Variants in RPLP2 observed in about 807,000 individuals in gnomAD.
The protein encoded by RPLP2 is ribosomal protein lateral stalk subunit P2.
Under a neutral mutation model 11.5 loss-of-function variants are expected in RPLP2, and 1 was observed. That is an observed-to-expected ratio of 0.09 (90% CI 0.03 to 0.41). RPLP2 has a LOEUF of 0.41. Among genes scored for constraint, RPLP2 ranks in the 10% least tolerant of loss-of-function variants. The probability of loss-of-function intolerance (pLI) is 0.98; values close to 1 mark genes in which losing one functional copy is unlikely to be tolerated. For missense variants in RPLP2, 177 were observed against 145.6 expected, an observed-to-expected ratio of 1.22 and a Z score of -1.11; for synonymous variants, 82 against 55.9, an observed-to-expected ratio of 1.47 and a Z score of -2.08.
At chr11:810,423 CCT>C in intron 2 of RPLP2, 66 bp downstream of exon 2, 1 of 1,469,644 alleles carries the variant, frequency 6.8e-7, no homozygotes, top group Middle Eastern at 1.8e-4. Flanking sequence ...GATTCTTCTG[CCT>C]GATCCGGCCA....
chr11:811,692 A>G lies in RPLP2; in HGVS notation c.172+47A>G, dbSNP rs777084855. ...TTCGTTTGTTTTCATGGTCCATCCT[A>G]ATCCCTGCCGGTCCATCTGTGGCCT... On this transcript the variant is annotated intron_variant, in intron 3 of 4. Coordinates refer to ENST00000321153, the MANE Select transcript of RPLP2 (RefSeq NM_001004.4). The G allele has an allele frequency of 5.0e-6, 8 of 1,612,344 alleles. No individual in the cohort carries two copies. In the African/African-American group the frequency reaches 6.7e-5, roughly 13 times the overall value.
chr11:811,284 C>G (rs1866047112), intron 2 of RPLP2: 2 of 420,060 alleles, frequency 4.8e-6, no homozygotes, highest in South Asian at 4.6e-5. Context: ...TACCACTGCA[C>G]TCCAGCCTGA....
At chr11:812,391 T>C (rs1866090586) in intron 3 of RPLP2, 144 bp from the exon 4 acceptor site, 1 of 1,066,038 alleles carries the variant, frequency 9.4e-7, no homozygotes, top group Admixed American at 2.1e-5. Flanking sequence ...GGAGGGAGTG[T>C]TCAGGAAGAA....
intron 2 of RPLP2, chr11:811,228 T>C: frequency 3.2e-6 from 1 of 313,622 alleles, no homozygotes; most frequent in Middle Eastern, 1.1e-3. Context: ...CAGACTGAGG[T>C]GGGATAGTCA....
Position 812,488 on chromosome 11 carries a change from T to A in RPLP2, c.173-47T>A, listed in dbSNP as rs776638397. 3 of 1,600,812 alleles carry A rather than the reference T, an allele frequency of 1.9e-6. No homozygotes were observed. In the East Asian group the frequency reaches 6.7e-5, roughly 36 times the overall value. On this transcript the variant is annotated intron_variant, in intron 3 of 4. Coordinates refer to ENST00000321153, the MANE Select transcript of RPLP2 (RefSeq NM_001004.4). ...CATCTAACTTCCCTGTGGAACAGCC[T>A]CCCAGGCTGGGCAGCTGCTCTGGTC... is the stretch of plus-strand genomic sequence containing the variant.
At chr11:811,339 G>GATAC in intron 2 of RPLP2, 1 of 547,416 alleles carries the variant, frequency 1.8e-6, no homozygotes. Context: ...CAGTGTTGAA[G>GATAC]ATACCTATGA....
At chr11:811,980 C>T (rs769126218) in intron 3 of RPLP2, 7 of 504,774 alleles carry the variant, frequency 1.4e-5, no homozygotes, top group South Asian at 5.6e-5. Flanking sequence ...CACATGCTTT[C>T]TGTGAGGGGG....
intron 2 of RPLP2, 117 bp from the exon 3 acceptor site, chr11:811,480 G>C: frequency 5.5e-6 from 7 of 1,266,988 alleles, no homozygotes; most frequent in Non-Finnish European, 7.9e-6. Context: ...TGCAGTTCTG[G>C]AAACTTCAGG....
At chr11:810,396 C>T (rs779844757) in intron 2 of RPLP2, 39 bp downstream of exon 2, 2 of 1,591,366 alleles carry the variant, frequency 1.3e-6, no homozygotes, top group African/African-American at 1.4e-5. Flanking sequence ...CGTGGGGCCC[C>T]AGTGTCCCAT....
At chr11:812,430 G>C in intron 3 of RPLP2, 105 bp from the exon 4 acceptor site, 1 of 1,471,808 alleles carries the variant, frequency 6.8e-7, no homozygotes, top group Non-Finnish European at 9.2e-7. Context: ...GGTGGGTCCA[G>C]ATATGTTGGG....
chr11:810,601 C>T (rs1041333456), intron 2 of RPLP2: 51 of 371,774 alleles, frequency 1.4e-4, no homozygotes, highest in Non-Finnish European at 1.2e-4. Flanking sequence ...CGAGACCAGC[C>T]TGGTAAACAT....
In RPLP2 at chr11:810,315, G is replaced by A; in HGVS notation, c.81G>A (p.Leu27=). 1.2e-6 allele frequency: 2 copies of A among 1,609,272 alleles called. No individual in the cohort carries two copies. Among genetic ancestry groups the A allele is most frequent in the South Asian group, 1.1e-5 (1 of 90,446 alleles). Reference sequence around the variant, plus strand: ...GCGCCAAGGACATCAAGAAGATCTTGGACAGCGTGGGTATCGAGGCGGACG... The same window carrying A: ...GCGCCAAGGACATCAAGAAGATCTTAGACAGCGTGGGTATCGAGGCGGACG... ...SPSAKDIKKI[L]DSVGIEADDD... is the part of the protein sequence containing the mutation. The change falls in exon 2 of 5, where the codon TTG becomes TTA. Residue 27 remains leucine, a synonymous_variant. Transcript: ENST00000321153.
At chr11:811,080 TGCGGGAGAATCATTTGAGCCTTA>T (rs990230983) in intron 2 of RPLP2, among the ~76,000 whole-genome samples, 1 of 151,342 alleles carries the variant, frequency 6.6e-6, no homozygotes, top group Non-Finnish European at 1.5e-5. Flanking sequence ...ATGAGGCTGA[TGCGGGAGAATCATTTGAGCCTTA>T]GAGGTCAAGG....
intron 2 of RPLP2, 60 bp downstream of exon 2, chr11:810,417 C>G (rs1168444864): frequency 6.6e-6 from 10 of 1,510,894 alleles, no homozygotes. Context: ...ACAGGCGATT[C>G]TTCTGCCTGA....
rs1049319474 is a variant in RPLP2 at position 809,996 on chromosome 11, C to G, written c.-45C>G. ...TTCCTCCCTGTCGCCACCGAGGTCG[C>G]ACGCGTGAGACTTCTCCGCCGCCTC... On this transcript the variant is annotated 5_prime_UTR_variant, in exon 1 of 5. Transcript: ENST00000321153. 1 of 429,402 alleles carries G rather than the reference C, an allele frequency of 2.3e-6. No homozygotes were observed. The highest frequency in any genetic ancestry group is 3.9e-6 in the Non-Finnish European group (1 of 253,200). 26.6% of individuals were successfully genotyped at this position (429,402 alleles called of 1,614,324 possible). A position where few individuals can be genotyped will look rare whatever the true frequency, so the allele number is the denominator to read the frequency against.
rs896226891 is a variant in RPLP2 at position 810,019 on chromosome 11, C to T, written c.-22C>T. On this transcript the variant is annotated 5_prime_UTR_variant, in exon 1 of 5. Transcript: ENST00000321153. ...CGCACGCGTGAGACTTCTCCGCCGC[C>T]TCCGCCGCAGACGCCGCCGCGTGAG... The T allele has an allele frequency of 5.0e-6, 2 of 401,308 alleles. No individual in the cohort carries two copies. The highest frequency in any genetic ancestry group is 1.3e-4 in the Admixed American group (2 of 15,354). 24.9% of individuals were successfully genotyped at this position (401,308 alleles called of 1,614,324 possible).
chr11:810,335 C>T lies in RPLP2; in HGVS notation c.101C>T (p.Ala34Val), dbSNP rs771091638. 3.7e-6 allele frequency: 6 copies of T among 1,607,786 alleles called. No individual in the cohort carries two copies. The highest frequency in any genetic ancestry group is 3.3e-4 in the Middle Eastern group (2 of 6,014). ...ATCTTGGACAGCGTGGGTATCGAGG[C>T]GGACGACGACCGGCTCAACAAGGTA... is the stretch of plus-strand genomic sequence containing the variant. ...KKILDSVGIEADDDRLNKVIS... is the reference protein window; with the variant it reads ...KKILDSVGIEVDDDRLNKVIS... The change falls in exon 2 of 5, where the codon GCG becomes GTG. Residue 34 changes from alanine to valine, a missense_variant. Transcript: ENST00000321153.
chr11:812,653 G>A lies in RPLP2; in HGVS notation c.271+20G>A, dbSNP rs1398407083. The A allele has an allele frequency of 1.2e-6, 2 of 1,611,134 alleles. No homozygotes were observed. The highest frequency in any genetic ancestry group is 2.7e-5 in the African/African-American group (2 of 74,906). Reference sequence around the variant, plus strand: ...CTGCAGGTAAGTGGTGGCCTGGTGAGTGGGCAAGGGGCTGGGGCTCAGACG... The same window carrying A: ...CTGCAGGTAAGTGGTGGCCTGGTGAATGGGCAAGGGGCTGGGGCTCAGACG... On this transcript the variant is annotated intron_variant, in intron 4 of 4. Coordinates refer to ENST00000321153, the MANE Select transcript of RPLP2 (RefSeq NM_001004.4).
At chr11:812,025 A>G (rs968030508) in intron 3 of RPLP2, 3 of 422,664 alleles carry the variant, frequency 7.1e-6, no homozygotes, top group Admixed American at 7.1e-5. Context: ...AGGGATGTCC[A>G]TAGGCTCCTT....
Sources: gnomAD v4.1 joint callset for allele counts (sites outside exome capture counted in the v4.1 genomes callset) on GRCh38, gnomAD v4.1.1 for gene constraint, MANE v1.5 for transcripts, NCBI Gene and HGNC (gene_info 2026-07-23, HGNC 2026-07-21) for gene names.